The following MMP24 variants were observed in gnomAD, a reference collection of about 807,000 sequenced individuals.
The protein encoded by MMP24 is matrix metallopeptidase 24.
A neutral mutation model predicts 62.8 loss-of-function variants in MMP24; 25 were observed. The ratio of observed to expected loss-of-function variants is 0.40; its 90% CI spans 0.29 to 0.56. The LOEUF (loss-of-function observed/expected upper bound fraction) is 0.56. Ranked by LOEUF, MMP24 falls within the 20% of genes least tolerant of loss-of-function variation. MMP24 has a pLI of 0.50. For synonymous variants in MMP24, 319 were observed against 350.5 expected (o/e 0.91, Z 1.00); for missense variants, 634 against 853.6 (o/e 0.74, Z 3.21).
intron 1 of MMP24, 126 bp from the exon 2 acceptor site, chr20:35,246,714 A>T (rs2060516432): frequency 9.1e-7 from 1 of 1,095,356 alleles, no homozygotes; most frequent in South Asian, 1.5e-5. Flanking sequence ...AAGGAAAAAG[A>T]ACTCAGAGCA....
At position 35,271,871 on chromosome 20, in the gene MMP24, C is replaced by A; in HGVS notation, c.1600+36C>A. 1 of 1,583,114 alleles carries A rather than the reference C, an allele frequency of 6.3e-7. No individual in the cohort carries two copies. The highest frequency in any genetic ancestry group is 8.6e-7 in the Non-Finnish European group (1 of 1,166,980). Reference sequence around the variant, plus strand: ...GCCGGGCCAGGGTGGGCATGGGGAGCCGGTTTTATGTGGTCCTCACCAGTG... The same window carrying A: ...GCCGGGCCAGGGTGGGCATGGGGAGACGGTTTTATGTGGTCCTCACCAGTG... On this transcript the variant is annotated intron_variant, in intron 8 of 8. Transcript: ENST00000246186. The surrounding 1 kb of genome is among the most constrained non-coding windows in gnomAD (Gnocchi z 4.0).
chr20:35,272,270 C>CT, intron 8 of MMP24: 1 of 418,558 alleles, frequency 2.4e-6, no homozygotes, highest in East Asian at 3.4e-5. Context: ...AGGTCTCACT[C>CT]TGTCGCCTAG....
intron 1 of MMP24, among the ~76,000 whole-genome samples, chr20:35,239,377 C>T (rs71337973): frequency 1.3e-4 from 19 of 151,908 alleles, no homozygotes; most frequent in Non-Finnish European, 2.6e-4. Flanking sequence ...AGGTGTCTTG[C>T]TATGTTGGCC....
intron 8 of MMP24, among the ~76,000 whole-genome samples, chr20:35,273,333 C>T (rs924341483): frequency 1.3e-5 from 2 of 151,370 alleles, no homozygotes; most frequent in African/African-American, 4.9e-5. Context: ...GAGTTTGAGG[C>T]TGCAGTGAGT....
intron 1 of MMP24, among the ~76,000 whole-genome samples, chr20:35,239,800 CA>C (rs964547745): frequency 1.3e-5 from 2 of 150,084 alleles, no homozygotes; most frequent in African/African-American, 4.9e-5. Flanking sequence ...GACCCTGTCT[CA>C]AAAAAAAACC....
rs779987804 is a variant in MMP24, at chr20:35,271,021, C to T, written c.1334-548C>T. ...CACCATTGCACTCCAGCCTGGGCAACAAGAGCCAAACTCCATCTTAAAAAA... is the reference window on the plus strand; with the variant it reads ...CACCATTGCACTCCAGCCTGGGCAATAAGAGCCAAACTCCATCTTAAAAAA... On this transcript the variant is annotated intron_variant, in intron 7 of 8. Coordinates refer to ENST00000246186, the MANE Select transcript of MMP24 (RefSeq NM_006690.4). The surrounding 1 kb of genome is among the most constrained non-coding windows in gnomAD (Gnocchi z 4.0). 6.6e-6 allele frequency among the ~76,000 whole-genome samples: 1 copy of T among 152,082 alleles called. No individual in the cohort carries two copies. Among genetic ancestry groups the T allele is most frequent in the Non-Finnish European group, 1.5e-5 (1 of 68,020 alleles).
intron 5 of MMP24, chr20:35,264,167 G>T: frequency 2.3e-6 from 1 of 442,942 alleles, no homozygotes; most frequent in South Asian, 4.0e-5. Flanking sequence ...GAGGGTCTGA[G>T]CTGTAACTGA....
At chr20:35,266,068 T>C (rs1015482260) in intron 5 of MMP24, among the ~76,000 whole-genome samples, 1 of 149,414 alleles carries the variant, frequency 6.7e-6, no homozygotes, top group African/African-American at 2.5e-5. Context: ...TTGGGCGTGG[T>C]GGCTCACGCC....
At chr20:35,232,706 T>C (rs1239329233) in intron 1 of MMP24, among the ~76,000 whole-genome samples, 3 of 152,060 alleles carry the variant, frequency 2.0e-5, no homozygotes, top group African/African-American at 7.2e-5. Flanking sequence ...AGTGGATAAT[T>C]TGATGTGCCT....
chr20:35,265,066 GAAC>G (rs1295874010), intron 5 of MMP24, among the ~76,000 whole-genome samples: 2 of 152,214 alleles, frequency 1.3e-5, no homozygotes, highest in Non-Finnish European at 2.9e-5. Context: ...TCCAAAGGTA[GAAC>G]AACAGGATCT....
intron 5 of MMP24, 126 bp from the exon 6 acceptor site, chr20:35,267,079 T>A: frequency 1.4e-6 from 1 of 727,754 alleles, no homozygotes; most frequent in East Asian, 2.7e-5. Flanking sequence ...GGAGTTAAAC[T>A]GGGGAGAGGG....
Position 35,274,095 on chromosome 20 carries a change from C to T in MMP24, c.1601-177C>T, listed in dbSNP as rs115425510. ...ATGACAGGCGGACCACTCCAGGTCC[C>T]GGGTGCCCCCCTCTGCAGCTTCTTA... On this transcript the variant is annotated intron_variant, in intron 8 of 8. Coordinates refer to ENST00000246186, the MANE Select transcript of MMP24 (RefSeq NM_006690.4). This position sits in a 1 kb window ranked among gnomAD's most constrained non-coding sequence, Gnocchi z 5.1. Among the ~76,000 whole-genome samples, 2,121 of 152,228 alleles carry T rather than the reference C, an allele frequency of 0.014. 34 individuals are homozygous for T. The highest frequency in any genetic ancestry group is 0.038 in the African/African-American group (1,584 of 41,550).
intron 1 of MMP24, among the ~76,000 whole-genome samples, chr20:35,246,404 G>A (rs564559465): frequency 1.3e-5 from 2 of 152,270 alleles, no homozygotes; most frequent in East Asian, 3.9e-4. Flanking sequence ...TTGAACCCCG[G>A]AGGCGGAGGT....
In MMP24 at chr20:35,251,961, G is replaced by A. The variant is rs369700691; in HGVS notation, c.452G>A (p.Arg151Gln). ...VPDHPHLSRR[R>Q]RNKRYALTGQ... ...GATCACCCCCACTTAAGCCGTAGGC[G>A]GAGAAACAAGCGCTATGCCCTGACT... The change falls in exon 3 of 9, where the codon CGG (arginine) becomes CAG (glutamine). Residue 151 changes from arginine to glutamine, a missense_variant. This residue lies in a region of MMP24 where 212 missense variants were observed against 259.6 expected (regional missense o/e 0.82). Transcript: ENST00000246186. 95 of 1,613,880 alleles carry A rather than the reference G, an allele frequency of 5.9e-5. No homozygotes were observed. The highest frequency in any genetic ancestry group is 7.2e-5 in the Non-Finnish European group (85 of 1,179,904).
chr20:35,226,879 G>A lies in MMP24; in HGVS notation c.141G>A (p.Pro47=). ...LLLLPALCCL[P]GAARAAAAAA... is the part of the protein sequence containing the mutation. ...TGCTGCCCGCGCTCTGCTGCCTCCC[G>A]GGCGCCGCGCGGGCGGCGGCGGCGG... is the stretch of plus-strand genomic sequence containing the variant. Residue 47 remains proline (P), a synonymous_variant, in exon 1 of 9, where the codon CCG becomes CCA. Transcript: ENST00000246186. 1 of 980,328 alleles carries A rather than the reference G, an allele frequency of 1.0e-6. No homozygotes were observed. The highest frequency in any genetic ancestry group is 1.8e-5 in the African/African-American group (1 of 56,324). 60.7% of individuals were successfully genotyped at this position (980,328 alleles called of 1,614,324 possible). A position where few individuals can be genotyped will look rare whatever the true frequency, so the allele number is the denominator to read the frequency against.
chr20:35,259,546 G>GA (rs1440304671), intron 4 of MMP24, among the ~76,000 whole-genome samples: 1 of 152,200 alleles, frequency 6.6e-6, no homozygotes, highest in Non-Finnish European at 1.5e-5. Flanking sequence ...GGAAGTCATG[G>GA]AAGGCTTCCT....
intron 1 of MMP24, among the ~76,000 whole-genome samples, chr20:35,237,153 C>T (rs970486482): frequency 6.6e-6 from 1 of 152,132 alleles, no homozygotes; most frequent in African/African-American, 2.4e-5. Context: ...GCTGCTGTAA[C>T]AAATTACCAC....
At chr20:35,254,165 A>C (rs2060563176) in intron 3 of MMP24, among the ~76,000 whole-genome samples, 1 of 152,126 alleles carries the variant, frequency 6.6e-6, no homozygotes, top group Non-Finnish European at 1.5e-5. Context: ...CGCTGCGCCC[A>C]GCCCCAATTT....
chr20:35,249,844 C>T (rs894658878), intron 2 of MMP24, among the ~76,000 whole-genome samples: 1 of 152,076 alleles, frequency 6.6e-6, no homozygotes, highest in South Asian at 2.1e-4. Flanking sequence ...CCGCCCGCCT[C>T]GGCCTCCCAA....
Sources: allele counts gnomAD v4.1 joint callset (sites outside exome capture counted in the v4.1 genomes callset), GRCh38; gene constraint gnomAD v4.1.1; regional missense constraint gnomAD v4.1.1; non-coding constraint Gnocchi (gnomAD v3.1); transcripts MANE v1.5; gene names NCBI Gene and HGNC (gene_info 2026-07-23, HGNC 2026-07-21).